Variants in FGF13 observed in about 807,000 individuals in gnomAD.
The protein encoded by FGF13 is fibroblast growth factor homologous factor 2.
In FGF13, 2 loss-of-function variants were observed where a neutral mutation model predicts 19.5. That is an observed-to-expected ratio of 0.10 (90% CI 0.04 to 0.32). FGF13 has a LOEUF of 0.32. FGF13 is among the 10% of genes least tolerant of loss of function. The pLI is 1.00. For missense variants in FGF13, 113 were observed against 192.7 expected (o/e 0.59, Z 2.45); for synonymous variants, 72 against 76.9 (o/e 0.94, Z 0.33).
chrX:138,923,061 A>AT (rs1342750059), intron 1 of FGF13, among the ~76,000 whole-genome samples: 1 of 112,606 alleles, frequency 8.9e-6, no homozygotes, highest in Non-Finnish European at 1.9e-5. Flanking sequence ...ATTTCAAGGT[A>AT]TTTTGCAAGC....
chrX:138,744,278 C>A (rs931912017), upstream of FGF13, among the ~76,000 whole-genome samples: 1 of 111,156 alleles, frequency 9.0e-6, no homozygotes, highest in African/African-American at 3.3e-5. Context: ...CTATACTAAC[C>A]CACAGTGCAA....
intron 1 of FGF13, among the ~76,000 whole-genome samples, chrX:139,129,021 T>C (rs750747619): frequency 1.7e-3 from 180 of 106,359 alleles, no homozygotes; most frequent in African/African-American, 5.8e-3. Context: ...TCAATAAATG[T>C]GGTGGTGGGG....
At position 138,618,190 on chromosome X, in the gene FGF13, A is replaced by T. The variant is rs1300485956; in HGVS notation, c.*14660T>A. 1.8e-5 allele frequency: 2 copies of T among 111,293 alleles called. No homozygotes were observed. The highest frequency in any genetic ancestry group is 6.6e-5 in the African/African-American group (2 of 30,501). The allele number at this position is 111,293 out of a possible 1,213,427, so 9.2% of individuals were successfully genotyped here. A position where few individuals can be genotyped will look rare whatever the true frequency, so the allele number is the denominator to read the frequency against. On this transcript the variant is annotated 3_prime_UTR_variant, in exon 5 of 5. Coordinates refer to ENST00000315930, the MANE Select transcript of FGF13 (RefSeq NM_004114.5). Reference sequence around the variant, plus strand: ...GTCCAGCTCACAGATGGAGCAAAACAATTACGAGAATAGGCACATTGAAAA... The same window carrying T: ...GTCCAGCTCACAGATGGAGCAAAACTATTACGAGAATAGGCACATTGAAAA...
intron 3 of FGF13, among the ~76,000 whole-genome samples, chrX:138,777,236 A>C (rs756445349): frequency 1.9e-3 from 209 of 111,554 alleles, no homozygotes; most frequent in African/African-American, 6.5e-3. Context: ...AGCCAGGGGA[A>C]GCACTCTCCT....
chrX:138,855,098 T>C (rs1180213444), downstream of FGF13, among the ~76,000 whole-genome samples: 1 of 111,633 alleles, frequency 9.0e-6, no homozygotes, highest in Non-Finnish European at 1.9e-5. Context: ...CTTACGGCAA[T>C]TAAAAAACAG....
At chrX:138,887,897 C>A (rs1261546536) in intron 1 of FGF13, among the ~76,000 whole-genome samples, 3 of 111,435 alleles carry the variant, frequency 2.7e-5, no homozygotes, top group Non-Finnish European at 5.7e-5. Context: ...CTCATGATTT[C>A]TCTCCTCCTT....
chrX:138,930,427 A>G (rs2091696112), intron 1 of FGF13, among the ~76,000 whole-genome samples: 1 of 112,403 alleles, frequency 8.9e-6, no homozygotes, highest in African/African-American at 3.2e-5. Flanking sequence ...TGCATACAGA[A>G]TGGAAAATAT....
intron 1 of FGF13, among the ~76,000 whole-genome samples, chrX:139,009,727 T>C (rs1467899513): frequency 9.0e-6 from 1 of 111,634 alleles, no homozygotes; most frequent in African/African-American, 3.3e-5. Context: ...ACAGGACCTA[T>C]ATAACAATAA....
intron 3 of FGF13, among the ~76,000 whole-genome samples, chrX:138,802,494 G>C (rs749361598): frequency 5.4e-4 from 60 of 111,700 alleles, no homozygotes; most frequent in Middle Eastern, 9.3e-3. Flanking sequence ...CCCATCTTCT[G>C]CATTGGTCTC....
rs1254038019 is a variant in FGF13, at chrX:138,708,860, C to T, written c.256G>A (p.Asp86Asn). 8.3e-7 allele frequency: 1 copy of T among 1,209,271 alleles called. No individual in the cohort carries two copies. Among genetic ancestry groups the T allele is most frequent in the African/African-American group, 1.7e-5 (1 of 57,346 alleles). The stretch of plus-strand genomic sequence containing the variant: ...TCTTTGGTGCCATCAATGGTTCCAT[C>T]CGCCTGCAGCTGCAAGTGGTAGCCT... ...RQGYHLQLQA[D>N]GTIDGTKDED... is the part of the protein sequence containing the mutation. Residue 86 changes from aspartate (D) to asparagine (N), a missense_variant, in exon 2 of 5, where the codon GAT becomes AAT. By Grantham distance (23) the Asp-to-Asn change is conservative. This residue lies in a region of FGF13 where 51 missense variants were observed against 78.5 expected (regional missense o/e 0.65). Coordinates refer to ENST00000315930, the MANE Select transcript of FGF13 (RefSeq NM_004114.5).
intron 1 of FGF13, among the ~76,000 whole-genome samples, chrX:139,183,468 C>T (rs1046742764): frequency 8.9e-6 from 1 of 111,795 alleles, no homozygotes; most frequent in African/African-American, 3.3e-5. Flanking sequence ...TGGGCAGATG[C>T]CCCATGAATG....
At chrX:138,899,201 G>C (rs182964713) in intron 1 of FGF13, among the ~76,000 whole-genome samples, 1,278 of 111,275 alleles carry the variant, frequency 0.011, 22 homozygotes, top group African/African-American at 0.04. Flanking sequence ...GTGTTTTTTG[G>C]GGGGGTTGGG....
intron 3 of FGF13, among the ~76,000 whole-genome samples, chrX:138,653,761 C>T (rs1418514159): frequency 2.7e-5 from 3 of 111,546 alleles, no homozygotes; most frequent in Non-Finnish European, 5.6e-5. Context: ...AGATACTGGA[C>T]TCAAAATAAA....
chrX:139,192,728 G>A (rs754785213), intron 1 of FGF13, among the ~76,000 whole-genome samples: 4 of 111,219 alleles, frequency 3.6e-5, no homozygotes, highest in Non-Finnish European at 5.7e-5. Context: ...CCACAGCTTC[G>A]GTGGTTCCTG....
At chrX:139,004,967 C>G (rs1300929962) in intron 1 of FGF13, among the ~76,000 whole-genome samples, 1 of 112,247 alleles carries the variant, frequency 8.9e-6, no homozygotes, top group Non-Finnish European at 1.9e-5. Flanking sequence ...GACAGCACCT[C>G]TGGACCTGAC....
chrX:139,195,517 A>AT (rs1212932714), intron 1 of FGF13, among the ~76,000 whole-genome samples: 1 of 112,606 alleles, frequency 8.9e-6, no homozygotes, highest in Non-Finnish European at 1.9e-5. Context: ...CTAGATAAAT[A>AT]TTTTAAGAAC....
intron 1 of FGF13, among the ~76,000 whole-genome samples, chrX:138,710,157 C>T (rs2090028763): frequency 9.1e-6 from 1 of 110,470 alleles, no homozygotes; most frequent in Admixed American, 9.6e-5. Context: ...GAGCTTAAAT[C>T]CCCTCTTCAA....
intron 1 of FGF13, among the ~76,000 whole-genome samples, chrX:138,924,840 T>TAAAAAAAA (rs11301322): frequency 1.1e-5 from 1 of 93,590 alleles, no homozygotes; most frequent in Non-Finnish European, 2.1e-5. Flanking sequence ...GGGGGAAAGT[T>TAAAAAAAA]AAAAAAAAAA....
intron 1 of FGF13, among the ~76,000 whole-genome samples, chrX:139,043,760 C>T (rs745653499): frequency 8.9e-6 from 1 of 112,163 alleles, no homozygotes; most frequent in Non-Finnish European, 1.9e-5. Context: ...GTGGTATATG[C>T]ATACTATGGA....
Sources: allele counts gnomAD v4.1 joint callset (sites outside exome capture counted in the v4.1 genomes callset), GRCh38; gene constraint gnomAD v4.1.1; regional missense constraint gnomAD v4.1.1; transcripts MANE v1.5; gene names NCBI Gene and HGNC (gene_info 2026-07-23, HGNC 2026-07-21).